The following CELF2 variants were observed in gnomAD, a reference collection of about 807,000 sequenced individuals.
CELF2 encodes the protein CUGBP Elav-like family member 2, also known as CUG triplet repeat RNA-binding protein 2.
In CELF2, 8 loss-of-function variants were observed where a neutral mutation model predicts 62.6. That is an observed-to-expected ratio of 0.13 (90% CI 0.07 to 0.23). The LOEUF (loss-of-function observed/expected upper bound fraction) is 0.23. CELF2 is among the 10% of genes least tolerant of loss of function. The pLI is 1.00. For missense variants in CELF2, 333 were observed against 671.0 expected (o/e 0.50, Z 5.56); for synonymous variants, 258 against 250.0 (o/e 1.03, Z -0.30).
the CELF2 span, among the ~76,000 whole-genome samples, chr10:10,563,927 T>G: frequency 6.6e-6 from 1 of 152,236 alleles, no homozygotes; most frequent in African/African-American, 2.4e-5. Context: ...GATTTAAGTG[T>G]AATGTATCAA....
At chr10:11,179,281 T>TA (rs10718541) in intron 2 of CELF2, among the ~76,000 whole-genome samples, 2,365 of 149,406 alleles carry the variant, frequency 0.016, 56 homozygotes, top group African/African-American at 0.052. Context: ...ACTGTACTGT[T>TA]AAAAAAAAAA....
At chr10:11,254,472 C>G (rs1247972691) in intron 4 of CELF2, among the ~76,000 whole-genome samples, 1 of 152,204 alleles carries the variant, frequency 6.6e-6, no homozygotes, top group Non-Finnish European at 1.5e-5. Context: ...TATCTTTCTT[C>G]TTGTTGCCTG....
At chr10:10,582,522 A>AT in the CELF2 span, among the ~76,000 whole-genome samples, 4 of 152,162 alleles carry the variant, frequency 2.6e-5, no homozygotes, top group African/African-American at 9.7e-5. Context: ...CATTATCTAG[A>AT]TTTTTTATTT....
chr10:10,935,377 G>C (rs895178681), intron 2 of CELF2: 4 of 152,162 alleles, frequency 2.6e-5, no homozygotes, highest in Admixed American at 2.6e-4. Flanking sequence ...TTGTCACCTT[G>C]CTTCAGTATG....
chr10:10,767,638 C>A, the CELF2 span, among the ~76,000 whole-genome samples: 2 of 152,162 alleles, frequency 1.3e-5, no homozygotes, highest in African/African-American at 4.8e-5. Context: ...ACGGGATTAT[C>A]TCCCAAGGGG....
the CELF2 span, among the ~76,000 whole-genome samples, chr10:10,555,637 T>A: frequency 6.6e-6 from 1 of 152,200 alleles, no homozygotes; most frequent in Non-Finnish European, 1.5e-5. Context: ...ATAGCTACAT[T>A]TTTTGGTATA....
intron 2 of CELF2, chr10:10,948,148 C>T (rs947167593): frequency 6.6e-6 from 1 of 152,206 alleles, no homozygotes; most frequent in Non-Finnish European, 1.5e-5. Flanking sequence ...GGGATGGAAA[C>T]CACTTCCATA....
At chr10:10,645,970 A>C in the CELF2 span, among the ~76,000 whole-genome samples, 1 of 152,276 alleles carries the variant, frequency 6.6e-6, no homozygotes, top group East Asian at 1.9e-4. Context: ...GCTTCAGTTT[A>C]CTCTGAAGTG....
Position 11,328,783 on chromosome 10 carries a change from C to T in CELF2, c.1439-143C>T, listed in dbSNP as rs2095893995. The T allele has an allele frequency of 1.1e-5, 9 of 837,630 alleles. No homozygotes were observed. The highest frequency in any genetic ancestry group is 4.0e-4 in the Middle Eastern group (1 of 2,484). 51.9% of individuals were successfully genotyped at this position (837,630 alleles called of 1,614,324 possible). A position where few individuals can be genotyped will look rare whatever the true frequency, so the allele number is the denominator to read the frequency against. On this transcript the variant is annotated intron_variant, in intron 12 of 12. Coordinates refer to ENST00000633077, the MANE Select transcript of CELF2 (RefSeq NM_001326342.2). The surrounding 1 kb of genome is among the most constrained non-coding windows in gnomAD (Gnocchi z 6.4). ...CCATCATCCACTCACGGTGGACTCA[C>T]GATCAGTTCCGCAGAGCTGTGCTGG...
At position 11,319,280 on chromosome 10, in the gene CELF2, T is replaced by C; in HGVS notation, c.1097-1909T>C. The C allele has an allele frequency of 2.8e-6, 1 of 360,040 alleles. No individual in the cohort carries two copies. The highest frequency in any genetic ancestry group is 2.1e-5 in the African/African-American group (1 of 46,808). The allele number at this position is 360,040 out of a possible 1,614,324, so 22.3% of individuals were successfully genotyped here. A position where few individuals can be genotyped will look rare whatever the true frequency, so the allele number is the denominator to read the frequency against. ...CTTCCCGAGTTATTGTACATACCCC[T>C]CTCACCTATCTCAAAAAACACGGAA... On this transcript the variant is annotated intron_variant, in intron 10 of 12. Coordinates refer to ENST00000633077, the MANE Select transcript of CELF2 (RefSeq NM_001326342.2). The surrounding 1 kb of genome is among the most constrained non-coding windows in gnomAD (Gnocchi z 4.4).
At chr10:10,895,528 T>C (rs1224603840) in intron 1 of CELF2, among the ~76,000 whole-genome samples, 2 of 152,190 alleles carry the variant, frequency 1.3e-5, no homozygotes, top group African/African-American at 4.8e-5. Context: ...TGAAAAATTT[T>C]CAGCCTATTC....
chr10:10,960,196 A>G (rs558859615), intron 2 of CELF2: 1 of 152,382 alleles, frequency 6.6e-6, no homozygotes, highest in African/African-American at 2.4e-5. Flanking sequence ...CAGTGCTGCA[A>G]GAACAAAGGT....
At chr10:11,149,871 C>G (rs1035563921) in intron 1 of CELF2, among the ~76,000 whole-genome samples, 3 of 152,174 alleles carry the variant, frequency 2.0e-5, no homozygotes, top group African/African-American at 7.2e-5. Flanking sequence ...TTCAGGTATT[C>G]AGCACTTGTC....
chr10:10,931,131 A>G lies in CELF2; in HGVS notation c.89+11132A>G, dbSNP rs1459188203. Among the ~76,000 whole-genome samples the G allele has an allele frequency of 1.3e-5, 2 of 152,158 alleles. No individual in the cohort carries two copies. The highest frequency in any genetic ancestry group is 2.9e-5 in the Non-Finnish European group (2 of 68,032). On this transcript the variant is annotated intron_variant, in intron 2 of 13. Transcript: ENST00000636488. The surrounding 1 kb of genome is among the most constrained non-coding windows in gnomAD (Gnocchi z 6.1). ...TTTCTTTTCGGATTAGGTTTTGTAA[A>G]TGTTTCTATTATGTATTTTCCTTTT...
chr10:10,950,320 A>G (rs1456941848), intron 2 of CELF2, among the ~76,000 whole-genome samples: 1 of 151,900 alleles, frequency 6.6e-6, no homozygotes, highest in Non-Finnish European at 1.5e-5. Context: ...GGCCACTCTC[A>G]TGTGCTTCTC....
intron 1 of CELF2, among the ~76,000 whole-genome samples, chr10:11,100,951 G>C (rs1481449798): frequency 6.6e-6 from 1 of 152,146 alleles, no homozygotes; most frequent in Non-Finnish European, 1.5e-5. Flanking sequence ...CAGGCAAAGA[G>C]GTGTTTATTC....
upstream of CELF2, chr10:10,795,081 T>C (rs1487518452): frequency 6.6e-6 from 1 of 152,012 alleles, no homozygotes; most frequent in Non-Finnish European, 1.5e-5. Flanking sequence ...GGCTTTATTT[T>C]TGTTTGGAAT....
Position 11,321,249 on chromosome 10 carries a change from C to T in CELF2, c.1157C>T (p.Thr386Met), listed in dbSNP as rs1320792254. The stretch of plus-strand genomic sequence containing the variant: ...GGAGGACTTGGCGCCACAGGCTTGA[C>T]GAATGGCACGGCTGGCACCATGGAC... Reference protein sequence around the residue: ...LNGGLGATGLTNGTAGTMDAL... With the variant: ...LNGGLGATGLMNGTAGTMDAL... The change falls in exon 11 of 13, where the codon ACG (threonine) becomes ATG (methionine). Residue 386 changes from threonine to methionine, a missense_variant. By Grantham distance (81) the Thr-to-Met change is moderately conservative. This residue lies in a region of CELF2 where 253 missense variants were observed against 503.0 expected (regional missense o/e 0.50). Coordinates refer to ENST00000633077, the MANE Select transcript of CELF2 (RefSeq NM_001326342.2). The surrounding 1 kb of genome is among the most constrained non-coding windows in gnomAD (Gnocchi z 6.2). 6.2e-7 allele frequency: 1 copy of T among 1,614,048 alleles called. No individual in the cohort carries two copies. The highest frequency in any genetic ancestry group is 8.5e-7 in the Non-Finnish European group (1 of 1,180,010).
chr10:10,929,133 C>G (rs1049968888), intron 2 of CELF2, among the ~76,000 whole-genome samples: 1 of 152,152 alleles, frequency 6.6e-6, no homozygotes, highest in Non-Finnish European at 1.5e-5. Flanking sequence ...TGGAAAAATT[C>G]ATTTAATTGG....
Sources: allele counts gnomAD v4.1 joint callset (sites outside exome capture counted in the v4.1 genomes callset), GRCh38; gene constraint gnomAD v4.1.1; regional missense constraint gnomAD v4.1.1; non-coding constraint Gnocchi (gnomAD v3.1); transcripts MANE v1.5; gene names NCBI Gene and HGNC (gene_info 2026-07-23, HGNC 2026-07-21).